WWC1: variants seen among roughly 807,000 people sequenced by gnomAD.
WWC1 encodes protein KIBRA.
A neutral mutation model predicts 138.4 loss-of-function variants in WWC1; 55 were observed. The observed-to-expected ratio is 0.40, with a 90% CI of 0.32 to 0.50. The LOEUF (loss-of-function observed/expected upper bound fraction) is 0.50, where lower values mean the gene tolerates loss of function less well. WWC1 is among the 20% of genes least tolerant of loss of function. The probability of loss-of-function intolerance (pLI) is 0.72; values close to 1 mark genes in which losing one functional copy is unlikely to be tolerated. For synonymous variants in WWC1, 524 were observed against 564.9 expected (o/e 0.93, Z 1.03); for missense variants, 1,226 against 1,420.4 (o/e 0.86, Z 2.20).
At chr5:168,332,417 GTTTTCC>G (rs1773106840) in intron 1 of WWC1, among the ~76,000 whole-genome samples, 1 of 152,134 alleles carries the variant, frequency 6.6e-6, no homozygotes, top group Non-Finnish European at 1.5e-5. Context: ...TATTGGTAGT[GTTTTCC>G]TTTTCTGGTT....
chr5:168,344,684 G>A (rs181231212), intron 1 of WWC1, among the ~76,000 whole-genome samples: 20 of 152,320 alleles, frequency 1.3e-4, no homozygotes, highest in South Asian at 8.3e-4. Context: ...TTAGCATTGC[G>A]TCTGTCACAG....
intron 15 of WWC1, among the ~76,000 whole-genome samples, chr5:168,435,233 C>T (rs1267769793): frequency 1.3e-5 from 2 of 152,116 alleles, no homozygotes; most frequent in Non-Finnish European, 2.9e-5. Flanking sequence ...TGCCATTTCC[C>T]TGGCTTCTGA....
chr5:168,422,502 A>C (rs1781168942), intron 10 of WWC1, among the ~76,000 whole-genome samples: 1 of 152,206 alleles, frequency 6.6e-6, no homozygotes, highest in South Asian at 2.1e-4. Context: ...CTGTGGTCCC[A>C]GCTACTCAGG....
chr5:168,471,893 T>C lies in WWC1; in HGVS notation c.*2876T>C, dbSNP rs2152901040. 1 of 152,358 alleles carries C rather than the reference T, an allele frequency of 6.6e-6. No homozygotes were observed. The highest frequency in any genetic ancestry group is 1.5e-5 in the Non-Finnish European group (1 of 68,046). 9.4% of individuals were successfully genotyped at this position (152,358 alleles called of 1,614,324 possible). A position where few individuals can be genotyped will look rare whatever the true frequency, so the allele number is the denominator to read the frequency against. On this transcript the variant is annotated 3_prime_UTR_variant, in exon 23 of 23. Transcript: ENST00000265293. ...TTCATTGGCACAAAAGGCAGCAGCA[T>C]CCTCACTGTATCTGCAGTCCATTTG...
At chr5:168,394,465 G>A (rs1330491472) in intron 3 of WWC1, among the ~76,000 whole-genome samples, 2 of 151,194 alleles carry the variant, frequency 1.3e-5, no homozygotes, top group East Asian at 1.9e-4. Flanking sequence ...GGTGGCTCAC[G>A]CCTGTAATCC....
chr5:168,357,626 T>TGAATA (rs1420822016), intron 1 of WWC1, among the ~76,000 whole-genome samples: 1 of 152,112 alleles, frequency 6.6e-6, no homozygotes, highest in Non-Finnish European at 1.5e-5. Context: ...GCAGTATGAA[T>TGAATA]GAATAATTCA....
chr5:168,446,739 A>G (rs890432415), intron 17 of WWC1, among the ~76,000 whole-genome samples: 5 of 152,186 alleles, frequency 3.3e-5, no homozygotes, highest in African/African-American at 1.2e-4. Context: ...ACTGAAAGAG[A>G]CTCAAGGGAA....
chr5:168,315,028 AC>A (rs1171447662), intron 1 of WWC1, among the ~76,000 whole-genome samples: 4 of 151,774 alleles, frequency 2.6e-5, no homozygotes, highest in Non-Finnish European at 5.9e-5. Flanking sequence ...GGCTGCTGAC[AC>A]CCCCCAGATT....
intron 16 of WWC1, 101 bp downstream of exon 16, chr5:168,441,935 G>A: frequency 6.9e-7 from 1 of 1,458,864 alleles, no homozygotes; most frequent in Non-Finnish European, 9.1e-7. Flanking sequence ...GTCATGAGAG[G>A]AGAACAATGG....
chr5:168,427,231 G>A (rs2152856615), intron 11 of WWC1, among the ~76,000 whole-genome samples: 1 of 152,300 alleles, frequency 6.6e-6, no homozygotes, highest in Middle Eastern at 3.4e-3. Context: ...ACAGTGATAG[G>A]AACAGTAGTG....
At chr5:168,429,320 G>A (rs563496174) in intron 13 of WWC1, among the ~76,000 whole-genome samples, 7 of 145,776 alleles carry the variant, frequency 4.8e-5, no homozygotes, top group Admixed American at 1.4e-4. Context: ...GTGCAGTGGT[G>A]TGATCTCAGC....
intron 1 of WWC1, among the ~76,000 whole-genome samples, chr5:168,331,027 G>T (rs1263110607): frequency 1.3e-5 from 2 of 152,114 alleles, no homozygotes; most frequent in Non-Finnish European, 2.9e-5. Context: ...TCTCGAGGGG[G>T]TCATGCTTCA....
chr5:168,459,501 T>C (rs1756619189), intron 19 of WWC1, among the ~76,000 whole-genome samples: 1 of 152,082 alleles, frequency 6.6e-6, no homozygotes, highest in Non-Finnish European at 1.5e-5. Flanking sequence ...AGCTTCTTAA[T>C]CTCTCTGGGC....
intron 15 of WWC1, among the ~76,000 whole-genome samples, chr5:168,439,468 TAC>T (rs1387459886): frequency 3.5e-4 from 20 of 56,998 alleles, no homozygotes; most frequent in African/African-American, 2.4e-3. Context: ...CTACTAAAAA[TAC>T]AAAAAAAAAA....
At chr5:168,432,243 A>G (rs758464005) in intron 15 of WWC1, among the ~76,000 whole-genome samples, 52 of 152,144 alleles carry the variant, frequency 3.4e-4, no homozygotes, top group Non-Finnish European at 6.2e-4. Flanking sequence ...ATAAGGATTG[A>G]GATAGCACCC....
chr5:168,467,752 G>A, intron 21 of WWC1, 88 bp from the exon 22 acceptor site: 1 of 1,576,468 alleles, frequency 6.3e-7, no homozygotes, highest in East Asian at 2.3e-5. Flanking sequence ...CGTCCCTACA[G>A]TAGCCCCCTC....
Position 168,385,258 on chromosome 5 carries a change from G to A in WWC1, c.277G>A (p.Glu93Lys), listed in dbSNP as rs371599955. 1 of 1,614,140 alleles carries A rather than the reference G, an allele frequency of 6.2e-7. No homozygotes were observed. The highest frequency in any genetic ancestry group is 8.5e-7 in the Non-Finnish European group (1 of 1,180,028). Reference protein sequence around the residue: ...DPRVQWRREQEHMLKDYLVVA... With the variant: ...DPRVQWRREQKHMLKDYLVVA... ...TCGAGTACAATGGCGGCGGGAGCAG[G>A]AACATATGCTGAAGGATTACCTGGT... Residue 93 changes from glutamate to lysine, a missense_variant, in exon 3 of 23, where the codon GAA becomes AAA. This residue lies in a region of WWC1 where 1,016 missense variants were observed against 1,153.9 expected (regional missense o/e 0.88). Coordinates refer to ENST00000265293, the MANE Select transcript of WWC1 (RefSeq NM_015238.3).
chr5:168,296,624 G>A (rs1346440076), intron 1 of WWC1, among the ~76,000 whole-genome samples: 3 of 152,154 alleles, frequency 2.0e-5, no homozygotes, highest in Non-Finnish European at 2.9e-5. Flanking sequence ...TAATGATTGG[G>A]TATTTACTAT....
At position 168,403,006 on chromosome 5, in the gene WWC1, TTTTCTTTCTTTCTTTCTTTC is replaced by T. The variant is rs72242963; in HGVS notation, c.591-3136_591-3117del. ...AGCAGCCAAAAGCTCTGTTGTTTCT[TTTTCTTTCTTTCTTTCTTTC>T]TTTCTTTCTTTCTTTCTTTCTTTCT... is the stretch of plus-strand genomic sequence containing the variant. On this transcript the variant is annotated intron_variant, in intron 5 of 22. Coordinates refer to ENST00000265293, the MANE Select transcript of WWC1 (RefSeq NM_015238.3). 6.6e-3 allele frequency among the ~76,000 whole-genome samples: 700 copies of T among 105,662 alleles called. 8 individuals carry two copies. The highest frequency in any genetic ancestry group is 0.014 in the African/African-American group (373 of 27,292). The allele number at this position is 105,662 out of a possible 152,430, so 69.3% of individuals were successfully genotyped here.
Sources: gnomAD v4.1 joint callset for allele counts (sites outside exome capture counted in the v4.1 genomes callset) on GRCh38, gnomAD v4.1.1 for gene constraint, gnomAD v4.1.1 regional missense constraint, MANE v1.5 for transcripts, NCBI Gene and HGNC (gene_info 2026-07-23, HGNC 2026-07-21) for gene names.